The following NTNG2 variants were observed in gnomAD, a reference collection of about 807,000 sequenced individuals.
NTNG2 encodes netrin G2.
A neutral mutation model predicts 47.6 loss-of-function variants in NTNG2; 15 were observed. The observed-to-expected ratio is 0.32, with a 90% CI of 0.21 to 0.49. NTNG2 has a LOEUF of 0.49. NTNG2 is among the 20% of genes least tolerant of loss of function. The pLI is 0.99. For missense variants in NTNG2, 578 were observed against 764.6 expected (o/e 0.76, Z 2.88); for synonymous variants, 307 against 324.6 (o/e 0.95, Z 0.58).
At position 132,198,360 on chromosome 9, in the gene NTNG2, C is replaced by T; in HGVS notation, c.608C>T (p.Ala203Val). The change falls in exon 3 of 8, where the codon GCA (alanine) becomes GTA (valine). Residue 203 changes from alanine to valine, a missense_variant. By Grantham distance (64) the Ala-to-Val change is moderately conservative. Coordinates refer to ENST00000393229, the MANE Select transcript of NTNG2 (RefSeq NM_032536.4). ...VLCTEEYSRW[A>V]GSKKEKHVRF... is the part of the protein sequence containing the mutation. ...TGCACCGAGGAGTACTCGCGCTGGGCAGGCTCCAAGAAGGAGAAGCACGTG... is the reference window on the plus strand; with the variant it reads ...TGCACCGAGGAGTACTCGCGCTGGGTAGGCTCCAAGAAGGAGAAGCACGTG... 1.2e-6 allele frequency: 2 copies of T among 1,612,936 alleles called. No homozygotes were observed. The highest frequency in any genetic ancestry group is 2.2e-5 in the South Asian group (2 of 91,086).
chr9:132,223,661 C>T (rs113134981), intron 3 of NTNG2, among the ~76,000 whole-genome samples: 1 of 152,180 alleles, frequency 6.6e-6, no homozygotes, highest in Admixed American at 6.5e-5. Flanking sequence ...CAGAGTGAGA[C>T]TCTGTCTCAA....
At chr9:132,201,570 A>AG (rs1432014048) in intron 3 of NTNG2, among the ~76,000 whole-genome samples, 1 of 152,204 alleles carries the variant, frequency 6.6e-6, no homozygotes, top group Non-Finnish European at 1.5e-5. Context: ...AGTGGGCACC[A>AG]GGGACCCCTG....
intron 5 of NTNG2, among the ~76,000 whole-genome samples, chr9:132,238,661 C>T (rs562287704): frequency 2.6e-5 from 4 of 152,334 alleles, no homozygotes; most frequent in East Asian, 1.9e-4. Context: ...TTCATCTACC[C>T]GAGGATACCA....
chr9:132,210,281 G>A (rs1839496119), intron 3 of NTNG2, among the ~76,000 whole-genome samples: 1 of 152,092 alleles, frequency 6.6e-6, no homozygotes, highest in Admixed American at 6.5e-5. Context: ...TGTAAAGATT[G>A]TCTGAGACTT....
chr9:132,214,410 ATGTGGCTGTCAGGCCCCCAGCT>A (rs1308009700), intron 3 of NTNG2, among the ~76,000 whole-genome samples: 3 of 152,174 alleles, frequency 2.0e-5, no homozygotes, highest in Non-Finnish European at 4.4e-5. Flanking sequence ...GTCATCCTTC[ATGTGGCTGTCAGGCCCCCAGCT>A]GGGCCTGCCA....
rs1841115899 is a variant in NTNG2 at position 132,230,483 on chromosome 9, TC to T, written c.1031-85del. ...TTGAGGGAGCGACACCTCCAGGTGC[TC>T]CCCTGCCCTGCTGGCCCCTCTGCAG... On this transcript the variant is annotated intron_variant, in intron 4 of 7. Transcript: ENST00000393229. The T allele has an allele frequency of 2.4e-6, 3 of 1,256,188 alleles. No homozygotes were observed. The African/African-American group carries it at 4.4e-5, about 19-fold the overall frequency. 77.8% of individuals were successfully genotyped at this position (1,256,188 alleles called of 1,614,324 possible).
intron 2 of NTNG2, among the ~76,000 whole-genome samples, chr9:132,184,591 AG>A (rs1166831763): frequency 6.6e-6 from 1 of 152,186 alleles, no homozygotes. Flanking sequence ...CGCGGGGTGG[AG>A]GGGGCATCCA....
chr9:132,220,539 C>T (rs1840284660), intron 3 of NTNG2, among the ~76,000 whole-genome samples: 1 of 151,456 alleles, frequency 6.6e-6, no homozygotes, highest in Non-Finnish European at 1.5e-5. Flanking sequence ...GCAACCTCTG[C>T]CTCCTGGGTT....
Position 132,239,189 on chromosome 9 carries a change from G to T in NTNG2, c.1140G>T (p.Thr380=), listed in dbSNP as rs369111783. 34 of 1,613,770 alleles carry T rather than the reference G, an allele frequency of 2.1e-5. No individual in the cohort carries two copies. Among genetic ancestry groups the T allele is most frequent in the Non-Finnish European group, 2.4e-5 (28 of 1,180,032 alleles). ...VVTCVSCKHN[T]RGQHCQHCRL... is the part of the protein sequence containing the mutation. The stretch of plus-strand genomic sequence containing the variant: ...CCTGCGTCAGCTGCAAGCACAACAC[G>T]CGAGGTCAGCACTGCCAGCACTGCC... Residue 380 remains threonine, a synonymous_variant, in exon 6 of 8, where the codon ACG becomes ACT. Transcript: ENST00000393229.
At chr9:132,203,151 A>G (rs1359646929) in intron 3 of NTNG2, among the ~76,000 whole-genome samples, 4 of 151,922 alleles carry the variant, frequency 2.6e-5, no homozygotes, top group South Asian at 2.1e-4. Flanking sequence ...AGGGGTTGCA[A>G]TCCCAAATGT....
At chr9:132,172,799 G>T (rs957155130) in intron 2 of NTNG2, among the ~76,000 whole-genome samples, 2 of 138,676 alleles carry the variant, frequency 1.4e-5, no homozygotes, top group African/African-American at 5.5e-5. Context: ...GCGCAATCTC[G>T]GCTCGCTGCA....
chr9:132,213,136 C>G (rs895252760), intron 3 of NTNG2, among the ~76,000 whole-genome samples: 2 of 152,006 alleles, frequency 1.3e-5, no homozygotes, highest in African/African-American at 2.4e-5. Context: ...ATAGTAAAAC[C>G]CTCGTCTCTA....
At chr9:132,239,037 C>T (rs776102358) in intron 5 of NTNG2, 67 bp from the exon 6 acceptor site, 17 of 1,533,076 alleles carry the variant, frequency 1.1e-5, no homozygotes, top group Non-Finnish European at 1.4e-5. Context: ...AGTCCTTCCT[C>T]GCCCTGTCCC....
intron 2 of NTNG2, among the ~76,000 whole-genome samples, chr9:132,178,911 G>A (rs1209301703): frequency 6.9e-6 from 1 of 145,544 alleles, no homozygotes; most frequent in African/African-American, 2.6e-5. Context: ...GCAGTGAGCC[G>A]AGACTGTGCC....
intron 4 of NTNG2, among the ~76,000 whole-genome samples, chr9:132,227,364 C>T (rs767777100): frequency 6.6e-6 from 1 of 152,248 alleles, no homozygotes; most frequent in Non-Finnish European, 1.5e-5. Context: ...CCCTGGTCCA[C>T]AGGGAAACCC....
intron 5 of NTNG2, 73 bp from the exon 6 acceptor site, chr9:132,239,031 C>A: frequency 6.7e-7 from 1 of 1,496,858 alleles, no homozygotes; most frequent in Non-Finnish European, 9.3e-7. Flanking sequence ...GGGGTGAGTC[C>A]TTCCTCGCCC....
chr9:132,173,243 A>G (rs911095308), intron 2 of NTNG2, among the ~76,000 whole-genome samples: 1 of 152,228 alleles, frequency 6.6e-6, no homozygotes, highest in Admixed American at 6.5e-5. Context: ...GAAATGCCCG[A>G]GGCAGGGCCC....
Position 132,208,666 on chromosome 9 carries a change from A to G in NTNG2, c.857+10057A>G, listed in dbSNP as rs1430720726. On this transcript the variant is annotated intron_variant, in intron 3 of 7. Coordinates refer to ENST00000393229, the MANE Select transcript of NTNG2 (RefSeq NM_032536.4). The surrounding 1 kb of genome is among the most constrained non-coding windows in gnomAD (Gnocchi z 4.0). Reference sequence around the variant, plus strand: ...TGGCTTTGAGACACTGGGTGGATGGAAATTTTGCCTTGTCAAATGGGGACA... The same window carrying G: ...TGGCTTTGAGACACTGGGTGGATGGGAATTTTGCCTTGTCAAATGGGGACA... Among the ~76,000 whole-genome samples, 1 of 152,006 alleles carries G rather than the reference A, an allele frequency of 6.6e-6. No individual in the cohort carries two copies. Among genetic ancestry groups the G allele is most frequent in the African/African-American group, 2.4e-5 (1 of 41,384 alleles).
chr9:132,229,082 CCTG>C (rs1393045473), intron 4 of NTNG2, among the ~76,000 whole-genome samples: 1 of 152,120 alleles, frequency 6.6e-6, no homozygotes, highest in Non-Finnish European at 1.5e-5. Context: ...GGCCCCACCT[CCTG>C]CTTCCCTGGG....
Sources: allele counts gnomAD v4.1 joint callset (sites outside exome capture counted in the v4.1 genomes callset), GRCh38; gene constraint gnomAD v4.1.1; non-coding constraint Gnocchi (gnomAD v3.1); transcripts MANE v1.5; gene names NCBI Gene and HGNC (gene_info 2026-07-23, HGNC 2026-07-21).